The following YARS1 variants were observed in gnomAD, a reference collection of about 807,000 sequenced individuals.
YARS1 encodes the protein tyrosyl-tRNA synthetase 1.
In YARS1, 36 loss-of-function variants were observed where a neutral mutation model predicts 62.2. That is an observed-to-expected ratio of 0.58 (90% CI 0.44 to 0.76). The LOEUF (loss-of-function observed/expected upper bound fraction) is 0.76. Among genes scored for constraint, YARS1 ranks in the 30% least tolerant of loss-of-function variants. The pLI, the probability that YARS1 is intolerant of heterozygous loss-of-function variation, is 0.00. For synonymous variants in YARS1, 234 were observed against 244.9 expected (o/e 0.96, Z 0.42); for missense variants, 524 against 639.8 (o/e 0.82, Z 1.95).
chr1:32,808,897 C>T (rs1638521317), intron 3 of YARS1, among the ~76,000 whole-genome samples: 1 of 152,114 alleles, frequency 6.6e-6, no homozygotes, highest in Non-Finnish European at 1.5e-5. Flanking sequence ...GGAATGTAAG[C>T]CCCATTAAGA....
chr1:32,788,382 T>C (rs768844549), intron 6 of YARS1, among the ~76,000 whole-genome samples: 1 of 152,066 alleles, frequency 6.6e-6, no homozygotes, highest in African/African-American at 2.4e-5. Context: ...TCAAGAGGAG[T>C]TAGGACTACA....
intron 1 of YARS1, among the ~76,000 whole-genome samples, chr1:32,812,969 C>CAAA (rs371599312): frequency 1.1e-3 from 95 of 89,990 alleles, no homozygotes; most frequent in Admixed American, 3.1e-3. Context: ...ACTCTGTCTC[C>CAAA]AAAAAAAAAA....
At chr1:32,787,553 A>C (rs1178058546) in intron 6 of YARS1, among the ~76,000 whole-genome samples, 1 of 150,664 alleles carries the variant, frequency 6.6e-6, no homozygotes, top group Non-Finnish European at 1.5e-5. Flanking sequence ...TCTGTTGCCC[A>C]GGCTGGAGTG....
chr1:32,785,989 T>C (rs1653213401), intron 8 of YARS1, among the ~76,000 whole-genome samples: 2 of 152,040 alleles, frequency 1.3e-5, no homozygotes, highest in African/African-American at 4.8e-5. Context: ...TGGTTTCTAC[T>C]GAATGAGTAC....
intron 5 of YARS1, among the ~76,000 whole-genome samples, chr1:32,793,197 T>C (rs976607792): frequency 6.6e-6 from 1 of 152,156 alleles, no homozygotes; most frequent in African/African-American, 2.4e-5. Flanking sequence ...ATGAGTTTTA[T>C]AAAGTCCCTA....
intron 8 of YARS1, among the ~76,000 whole-genome samples, chr1:32,785,181 C>T (rs1299743373): frequency 6.6e-6 from 1 of 152,110 alleles, no homozygotes; most frequent in East Asian, 1.9e-4. Context: ...GAGCCCTGGC[C>T]GGGCACAGGG....
chr1:32,776,090 GC>G lies in YARS1; in HGVS notation c.1477del (p.Ala493LeufsTer19). On this transcript the variant is annotated frameshift_variant and splice_region_variant, in exon 13 of 13. Transcript: ENST00000373477. LOFTEE classifies it high-confidence loss of function. The surrounding 1 kb of genome is among the most constrained non-coding windows in gnomAD (Gnocchi z 4.0). ...PKKKVFEKLQ[A>X]DFKISEECIA... ...GCACTCCTCAGAAATTTTGAAGTCA[GC>G]CTGGACAAGACAGATAAGAGAGATT... 1 of 1,612,588 alleles carries G rather than the reference GC, an allele frequency of 6.2e-7. No individual in the cohort carries two copies.
chr1:32,811,312 C>G, intron 1 of YARS1: 1 of 533,414 alleles, frequency 1.9e-6, no homozygotes, highest in South Asian at 2.0e-5. Flanking sequence ...CTCTTACCCA[C>G]CCCCCTTCCT....
chr1:32,778,305 G>A (rs1392907133), intron 12 of YARS1, among the ~76,000 whole-genome samples: 1 of 152,230 alleles, frequency 6.6e-6, no homozygotes, highest in Non-Finnish European at 1.5e-5. Context: ...GGGCAGGCCA[G>A]ATTTTCATTG....
intron 9 of YARS1, chr1:32,782,174 A>G: frequency 1.6e-6 from 1 of 624,620 alleles, no homozygotes; most frequent in Non-Finnish European, 2.8e-6. Flanking sequence ...TACATCTTAC[A>G]CCAGCAGCTC....
intron 1 of YARS1, among the ~76,000 whole-genome samples, chr1:32,811,846 C>T (rs1045753769): frequency 1.3e-5 from 2 of 152,006 alleles, no homozygotes; most frequent in Non-Finnish European, 2.9e-5. Context: ...CTAACTGCAT[C>T]TTTGCCTGCA....
chr1:32,813,970 TC>T (rs1236214813), intron 1 of YARS1, among the ~76,000 whole-genome samples: 2 of 152,194 alleles, frequency 1.3e-5, no homozygotes, highest in Non-Finnish European at 2.9e-5. Flanking sequence ...ATATTAGCAA[TC>T]TTTGGGGCTC....
intron 12 of YARS1, among the ~76,000 whole-genome samples, chr1:32,777,935 T>C (rs1309024905): frequency 3.3e-5 from 5 of 152,222 alleles, no homozygotes; most frequent in Admixed American, 3.3e-4. Flanking sequence ...GGATTTTTTT[T>C]TCTCCTATAT....
intron 1 of YARS1, among the ~76,000 whole-genome samples, chr1:32,813,891 T>TTC (rs35929714): frequency 0.99 from 150,322 of 152,246 alleles, 74,241 homozygotes; most frequent in East Asian, 1. Context: ...CTTTATTTTA[T>TTC]TCTTAGTTTT....
At chr1:32,787,610 C>T (rs1198354892) in intron 6 of YARS1, among the ~76,000 whole-genome samples, 2 of 151,360 alleles carry the variant, frequency 1.3e-5, no homozygotes, top group East Asian at 1.9e-4. Flanking sequence ...CCTGGGTTCA[C>T]GCCATTCTCC....
intron 1 of YARS1, among the ~76,000 whole-genome samples, chr1:32,815,468 AG>A (rs1438140604): frequency 6.6e-6 from 1 of 152,228 alleles, no homozygotes; most frequent in Non-Finnish European, 1.5e-5. Context: ...GAATCTAGCT[AG>A]GGGAAGCGTG....
chr1:32,808,870 G>A (rs1638520865), intron 3 of YARS1, among the ~76,000 whole-genome samples: 1 of 152,072 alleles, frequency 6.6e-6, no homozygotes. Flanking sequence ...ATTATTTACT[G>A]TCTGTATTTC....
chr1:32,807,234 C>T (rs1638483873), intron 3 of YARS1, among the ~76,000 whole-genome samples: 1 of 152,160 alleles, frequency 6.6e-6, no homozygotes, highest in Non-Finnish European at 1.5e-5. Context: ...TAAGATAGTA[C>T]TTTAGAACAC....
Position 32,799,478 on chromosome 1 carries a change from T to C in YARS1, c.511-1635A>G, listed in dbSNP as rs550598026. Among the ~76,000 whole-genome samples the C allele has an allele frequency of 3.0e-3, 456 of 152,230 alleles. 1 individual carries two copies. Among genetic ancestry groups the C allele is most frequent in the Middle Eastern group, 0.017 (5 of 294 alleles). On this transcript the variant is annotated intron_variant, in intron 4 of 12. Coordinates refer to ENST00000373477, the MANE Select transcript of YARS1 (RefSeq NM_003680.4). Reference sequence around the variant, plus strand: ...TGAAAGTCTAAGTGAGAAATATCGATGGACAAAAGACAATGAGGACGCAGA... The same window carrying C: ...TGAAAGTCTAAGTGAGAAATATCGACGGACAAAAGACAATGAGGACGCAGA...
Sources: gnomAD v4.1 joint callset for allele counts (sites outside exome capture counted in the v4.1 genomes callset) on GRCh38, gnomAD v4.1.1 for gene constraint, Gnocchi (gnomAD v3.1) non-coding constraint, MANE v1.5 for transcripts, NCBI Gene and HGNC (gene_info 2026-07-23, HGNC 2026-07-21) for gene names.